Variants in ROR1 observed in about 807,000 individuals in gnomAD.
ROR1 encodes the protein inactive tyrosine-protein kinase transmembrane receptor ROR1.
In ROR1, 19 loss-of-function variants were observed where a neutral mutation model predicts 78.8. The observed-to-expected ratio is 0.24, with a 90% CI of 0.17 to 0.35. The LOEUF is 0.35. ROR1 is among the 10% of genes least tolerant of loss of function. The pLI is 1.00. For synonymous variants in ROR1, 386 were observed against 433.6 expected (o/e 0.89, Z 1.36); for missense variants, 917 against 1,177.8 (o/e 0.78, Z 3.24).
chr1:64,011,066 T>A (rs1321548663), intron 2 of ROR1, among the ~76,000 whole-genome samples: 1 of 152,208 alleles, frequency 6.6e-6, no homozygotes, highest in Admixed American at 6.5e-5. Context: ...AAAACAGCAA[T>A]GGGTGAAGTT....
intron 5 of ROR1, among the ~76,000 whole-genome samples, chr1:64,139,707 C>G (rs140794968): frequency 1.8e-4 from 28 of 152,344 alleles, no homozygotes; most frequent in Admixed American, 7.2e-4. Flanking sequence ...ATCCTGTGCT[C>G]AGGCTCAGCC....
At chr1:64,066,318 CTTTTT>C (rs747396331) in intron 4 of ROR1, among the ~76,000 whole-genome samples, 1 of 139,870 alleles carries the variant, frequency 7.1e-6, no homozygotes, top group African/African-American at 2.7e-5. Context: ...TTTAAACTCA[CTTTTT>C]TTTTTTTTTT....
intron 1 of ROR1, among the ~76,000 whole-genome samples, chr1:63,776,249 T>A (rs1644615671): frequency 6.6e-6 from 1 of 152,230 alleles, no homozygotes; most frequent in South Asian, 2.1e-4. Flanking sequence ...TAAATACATG[T>A]CCCTGCATTG....
intron 4 of ROR1, chr1:64,095,328 T>C (rs1358857498): frequency 2.6e-5 from 4 of 152,220 alleles, no homozygotes; most frequent in African/African-American, 9.6e-5. Context: ...ATCTAAGTTA[T>C]TATGGTCTCC....
chr1:64,088,963 T>C (rs1375020916), intron 4 of ROR1, among the ~76,000 whole-genome samples: 1 of 152,160 alleles, frequency 6.6e-6, no homozygotes, highest in Non-Finnish European at 1.5e-5. Context: ...CAAATCTGGT[T>C]TGTTCTGGAC....
At chr1:63,906,359 C>G (rs1051818249) in intron 1 of ROR1, among the ~76,000 whole-genome samples, 1 of 152,116 alleles carries the variant, frequency 6.6e-6, no homozygotes, top group Non-Finnish European at 1.5e-5. Flanking sequence ...ACCTCAGAAG[C>G]GCACGTGCTA....
intron 1 of ROR1, among the ~76,000 whole-genome samples, chr1:63,904,085 C>G (rs1025448272): frequency 6.6e-6 from 1 of 152,030 alleles, no homozygotes; most frequent in African/African-American, 2.4e-5. Context: ...GGAAGCGGGG[C>G]CAGGTCAGGG....
chr1:63,841,393 G>C (rs1645048689), intron 1 of ROR1, among the ~76,000 whole-genome samples: 1 of 152,164 alleles, frequency 6.6e-6, no homozygotes, highest in Admixed American at 6.5e-5. Context: ...TCCTCAGTAA[G>C]TTTTTTGTTA....
At position 63,864,794 on chromosome 1, in the gene ROR1, A is replaced by C. The variant is rs1465983680; in HGVS notation, c.91+90286A>C. 3.2e-5 allele frequency among the ~76,000 whole-genome samples: 4 copies of C among 126,802 alleles called. No individual in the cohort carries two copies. In the East Asian group the frequency reaches 8.3e-4, roughly 26 times the overall value. 83.2% of individuals were successfully genotyped at this position (126,802 alleles called of 152,430 possible). A position where few individuals can be genotyped will look rare whatever the true frequency, so the allele number is the denominator to read the frequency against. ...TCTTTGAAGCTTTCCAAATCTTTCA[A>C]TCTTTTTTTTTTTTGCCTCCAAATT... On this transcript the variant is annotated intron_variant, in intron 1 of 8. Transcript: ENST00000371079.
intron 4 of ROR1, among the ~76,000 whole-genome samples, chr1:64,104,839 A>C (rs758933564): frequency 6.6e-6 from 1 of 152,030 alleles, no homozygotes. Flanking sequence ...TATGTACCAC[A>C]TTTTCTTTAT....
chr1:63,949,698 C>T (rs888596060), intron 1 of ROR1, among the ~76,000 whole-genome samples: 14 of 152,004 alleles, frequency 9.2e-5, no homozygotes, highest in Admixed American at 8.5e-4. Flanking sequence ...CTTCAGTCTC[C>T]TGCTTGATTG....
chr1:63,858,276 T>G (rs553946238), intron 1 of ROR1, among the ~76,000 whole-genome samples: 115 of 152,322 alleles, frequency 7.5e-4, no homozygotes, highest in African/African-American at 2.7e-3. Context: ...TTCACTGCTC[T>G]TGCCTGGTGA....
chr1:64,010,768 A>AATGAGTTAGTTCTC (rs1646469076), intron 2 of ROR1, among the ~76,000 whole-genome samples: 1 of 152,108 alleles, frequency 6.6e-6, no homozygotes, highest in Non-Finnish European at 1.5e-5. Context: ...TTCTCATAAT[A>AATGAGTTAGTTCTC]ATGAGTTAGT....
At chr1:63,906,646 A>G (rs1645531287) in intron 1 of ROR1, among the ~76,000 whole-genome samples, 1 of 152,172 alleles carries the variant, frequency 6.6e-6, no homozygotes, top group African/African-American at 2.4e-5. Context: ...TGCCAGATTC[A>G]TGGGGGAGAT....
chr1:64,064,287 CTGTT>C (rs1217463092), intron 4 of ROR1, among the ~76,000 whole-genome samples: 1 of 152,194 alleles, frequency 6.6e-6, no homozygotes, highest in Non-Finnish European at 1.5e-5. Context: ...GGTGGCATGT[CTGTT>C]CTGTGGGCAC....
At chr1:63,830,606 C>A (rs574215893) in intron 1 of ROR1, among the ~76,000 whole-genome samples, 1 of 152,276 alleles carries the variant, frequency 6.6e-6, no homozygotes, top group South Asian at 2.1e-4. Flanking sequence ...CCAGGTCCCT[C>A]CCTTGACATG....
At chr1:63,940,498 C>CAGACAGATAGATAGATAGAT (rs1230477303) in intron 1 of ROR1, among the ~76,000 whole-genome samples, 53 of 75,214 alleles carry the variant, frequency 7.0e-4, no homozygotes, top group South Asian at 1.1e-3. Flanking sequence ...GATAGACAGA[C>CAGACAGATAGATAGATAGAT]AGATAGATAG....
At chr1:64,038,003 C>G (rs1029323312) in intron 2 of ROR1, among the ~76,000 whole-genome samples, 1 of 152,114 alleles carries the variant, frequency 6.6e-6, no homozygotes, top group Non-Finnish European at 1.5e-5. Context: ...AGGTTCACCC[C>G]CTCCTGAGCA....
rs534875970 is a variant in ROR1, at chr1:64,024,973, C to A, written c.163+15597C>A. 2.2e-4 allele frequency among the ~76,000 whole-genome samples: 34 copies of A among 152,130 alleles called. 1 individual carries two copies. The South Asian group carries it at 6.9e-3, about 31-fold the overall frequency. On this transcript the variant is annotated intron_variant, in intron 2 of 8. Transcript: ENST00000371079. ...GAAATCTGCATTTTTTCTAGTTTAA[C>A]TTTTAATTTTGTTTGCATGTATATT...
Sources: gnomAD v4.1 joint callset for allele counts (sites outside exome capture counted in the v4.1 genomes callset) on GRCh38, gnomAD v4.1.1 for gene constraint, MANE v1.5 for transcripts, NCBI Gene and HGNC (gene_info 2026-07-23, HGNC 2026-07-21) for gene names.